Variants in HORMAD1 observed in about 807,000 individuals in gnomAD.
HORMAD1 encodes HORMA domain containing 1, also known as HORMA domain-containing protein 1.
A neutral mutation model predicts 58.2 loss-of-function variants in HORMAD1; 33 were observed. That is an observed-to-expected ratio of 0.57 (90% CI 0.43 to 0.76). The LOEUF (loss-of-function observed/expected upper bound fraction) is 0.76, where lower values mean the gene tolerates loss of function less well. HORMAD1 is among the 30% of genes least tolerant of loss of function. The pLI, the probability that HORMAD1 is intolerant of heterozygous loss-of-function variation, is 0.00. For synonymous variants in HORMAD1, 137 were observed against 144.6 expected (o/e 0.95, Z 0.38); for missense variants, 363 against 462.0 (o/e 0.79, Z 1.96).
chr1:150,699,273 G>A (rs1651461581), intron 14 of HORMAD1, among the ~76,000 whole-genome samples: 2 of 152,004 alleles, frequency 1.3e-5, no homozygotes, highest in African/African-American at 4.8e-5. Flanking sequence ...GGTAAAATAA[G>A]GTTCTAAATA....
chr1:150,717,015 C>T (rs1460120685), intron 3 of HORMAD1, 123 bp downstream of exon 3: 1 of 498,018 alleles, frequency 2.0e-6, no homozygotes, highest in Non-Finnish European at 3.4e-6. Flanking sequence ...CTGTCAGGTA[C>T]GTGAATTGTA....
intron 13 of HORMAD1, 108 bp from the exon 14 acceptor site, chr1:150,700,291 T>C (rs906201202): frequency 4.7e-6 from 3 of 641,432 alleles, no homozygotes; most frequent in African/African-American, 3.7e-5. Flanking sequence ...TTTATTTACT[T>C]TTTAGGGACA....
chr1:150,706,934 G>C, intron 9 of HORMAD1, 125 bp from the exon 10 acceptor site: 1 of 737,806 alleles, frequency 1.4e-6, no homozygotes, highest in Non-Finnish European at 2.0e-6. Context: ...TAAAACATAC[G>C]AATTACTCTC....
At chr1:150,714,457 G>A (rs1170038065) in intron 4 of HORMAD1, among the ~76,000 whole-genome samples, 158 bp downstream of exon 4, 1 of 151,994 alleles carries the variant, frequency 6.6e-6, no homozygotes, top group East Asian at 1.9e-4. Flanking sequence ...TCAAGGAGAG[G>A]AAAACTTCGG....
At chr1:150,717,816 G>A (rs1652131181) in intron 2 of HORMAD1, among the ~76,000 whole-genome samples, 1 of 151,848 alleles carries the variant, frequency 6.6e-6, no homozygotes, top group African/African-American at 2.4e-5. Flanking sequence ...TGTAAACCCA[G>A]CTACTCTTGT....
intron 2 of HORMAD1, among the ~76,000 whole-genome samples, chr1:150,718,514 T>G (rs587662978): frequency 6.6e-6 from 1 of 152,256 alleles, no homozygotes; most frequent in East Asian, 1.9e-4. Flanking sequence ...AACACATGGA[T>G]AGATTACATT....
At chr1:150,718,547 G>A (rs970909873) in intron 2 of HORMAD1, among the ~76,000 whole-genome samples, 1 of 152,102 alleles carries the variant, frequency 6.6e-6, no homozygotes, top group Non-Finnish European at 1.5e-5. Flanking sequence ...TGGTCACTGA[G>A]TAGGTATAAC....
chr1:150,708,528 G>T, intron 8 of HORMAD1, 121 bp from the exon 9 acceptor site: 2 of 565,770 alleles, frequency 3.5e-6, no homozygotes, highest in Non-Finnish European at 2.9e-6. Flanking sequence ...TAACTTGAAA[G>T]TTACCATGTG....
intron 3 of HORMAD1, 149 bp downstream of exon 3, chr1:150,716,989 A>G (rs1031779556): frequency 8.9e-6 from 4 of 448,790 alleles, no homozygotes; most frequent in Non-Finnish European, 1.5e-5. Context: ...TGAAATGTAC[A>G]CTTTAAACAA....
At chr1:150,718,334 T>C (rs1057214086) in intron 2 of HORMAD1, among the ~76,000 whole-genome samples, 1 of 147,516 alleles carries the variant, frequency 6.8e-6, no homozygotes, top group African/African-American at 2.5e-5. Flanking sequence ...TGCACCACCA[T>C]GCCTGGCTAA....
intron 5 of HORMAD1, among the ~76,000 whole-genome samples, chr1:150,712,452 C>G (rs1557799279): frequency 6.6e-6 from 1 of 152,186 alleles, no homozygotes; most frequent in Non-Finnish European, 1.5e-5. Context: ...ACCATTATTT[C>G]TCACCAGTAC....
At chr1:150,714,158 T>G (rs376735353) in intron 4 of HORMAD1, 37 bp from the exon 5 acceptor site, 1 of 1,203,058 alleles carries the variant, frequency 8.3e-7, no homozygotes, top group Non-Finnish European at 1.2e-6. Context: ...TTAGACTGAA[T>G]GCATTTCCAG....
chr1:150,711,886 G>A, intron 5 of HORMAD1, 33 bp from the exon 6 acceptor site: 1 of 1,434,520 alleles, frequency 7.0e-7, no homozygotes, highest in African/African-American at 1.4e-5. Context: ...AATCTTACTT[G>A]TAGTCTATAA....
intron 5 of HORMAD1, among the ~76,000 whole-genome samples, chr1:150,712,758 G>A (rs1480517925): frequency 1.3e-5 from 2 of 152,116 alleles, no homozygotes; most frequent in Non-Finnish European, 2.9e-5. Flanking sequence ...TGTTGGCCAG[G>A]CTGGTCTCAA....
Position 150,710,061 on chromosome 1 carries a change from C to T in HORMAD1, c.328-1100G>A, listed in dbSNP as rs587717321. ...AAAACTGAGGGAACTCAGAGACCGG[C>T]GCCGGTGCAGGTCCTTGGTATGCTG... On this transcript the variant is annotated intron_variant, in intron 7 of 14. Coordinates refer to ENST00000361824, the MANE Select transcript of HORMAD1 (RefSeq NM_032132.5). 4.4e-3 allele frequency among the ~76,000 whole-genome samples: 662 copies of T among 151,470 alleles called. 4 individuals are homozygous for T. Among genetic ancestry groups the T allele is most frequent in the African/African-American group, 0.015 (615 of 41,350 alleles).
At chr1:150,701,057 C>A (rs1262384484) in intron 13 of HORMAD1, among the ~76,000 whole-genome samples, 1 of 152,054 alleles carries the variant, frequency 6.6e-6, no homozygotes, top group African/African-American at 2.4e-5. Flanking sequence ...TGAATATTTT[C>A]ATTTCTTGCC....
At chr1:150,714,052 G>GA (rs587619481) in intron 5 of HORMAD1, 33 bp downstream of exon 5, 194 of 1,324,634 alleles carry the variant, frequency 1.5e-4, no homozygotes, top group Non-Finnish European at 1.7e-4. Flanking sequence ...ATAAACTGTA[G>GA]AAAAAAAAGG....
At chr1:150,718,857 C>T (rs1233928904) in intron 2 of HORMAD1, among the ~76,000 whole-genome samples, 2 of 152,114 alleles carry the variant, frequency 1.3e-5, no homozygotes, top group Non-Finnish European at 2.9e-5. Flanking sequence ...AGGTGGACTG[C>T]TATGAACAAT....
chr1:150,709,374 T>A (rs897591856), intron 7 of HORMAD1, among the ~76,000 whole-genome samples: 1 of 152,172 alleles, frequency 6.6e-6, no homozygotes, highest in African/African-American at 2.4e-5. Flanking sequence ...CAGAAACATA[T>A]GTTGTATGAA....
Sources: allele counts gnomAD v4.1 joint callset (sites outside exome capture counted in the v4.1 genomes callset), GRCh38; gene constraint gnomAD v4.1.1; transcripts MANE v1.5; gene names NCBI Gene and HGNC (gene_info 2026-07-23, HGNC 2026-07-21).